BMPER: variants seen among roughly 807,000 people sequenced by gnomAD.
BMPER encodes BMP binding endothelial regulator.
Under a neutral mutation model 87.3 loss-of-function variants are expected in BMPER, and 45 were observed. That is an observed-to-expected ratio of 0.52 (90% CI 0.41 to 0.66). The LOEUF (loss-of-function observed/expected upper bound fraction) is 0.66, where lower values mean the gene tolerates loss of function less well. Among genes scored for constraint, BMPER ranks in the 30% least tolerant of loss-of-function variants. The pLI is 0.00. For synonymous variants in BMPER, 326 were observed against 316.2 expected (o/e 1.03, Z -0.33); for missense variants, 784 against 867.5 (o/e 0.90, Z 1.21).
At chr7:33,976,727 G>A (rs886272977) in intron 6 of BMPER, among the ~76,000 whole-genome samples, 66 of 152,280 alleles carry the variant, frequency 4.3e-4, no homozygotes, top group African/African-American at 1.5e-3. Flanking sequence ...TTAGAAGGTG[G>A]TAAAGAGAAT....
At position 33,905,562 on chromosome 7, in the gene BMPER, C is replaced by G; in HGVS notation, c.-52C>G. ...TCGACTGTGAGCTGCGGCAGCTGAG[C>G]AGAGGCGGCGGCGCGGGACCTGCAG... On this transcript the variant is annotated 5_prime_UTR_variant, in exon 1 of 15. Transcript: ENST00000649409. 6.2e-7 allele frequency: 1 copy of G among 1,602,500 alleles called. No homozygotes were observed. The highest frequency in any genetic ancestry group is 2.2e-5 in the East Asian group (1 of 44,714).
At chr7:34,008,817 C>G (rs1465429170) in intron 6 of BMPER, among the ~76,000 whole-genome samples, 1 of 151,566 alleles carries the variant, frequency 6.6e-6, no homozygotes, top group African/African-American at 2.4e-5. Flanking sequence ...GCCCTACTTT[C>G]TTTTTTTTGT....
chr7:33,927,199 C>T (rs1784380096), intron 2 of BMPER, among the ~76,000 whole-genome samples: 2 of 152,238 alleles, frequency 1.3e-5, no homozygotes, highest in Non-Finnish European at 1.5e-5. Context: ...ATTTTTGTAA[C>T]TCCCAACAGC....
intron 6 of BMPER, among the ~76,000 whole-genome samples, chr7:34,023,383 A>C (rs1337389106): frequency 6.6e-6 from 1 of 152,000 alleles, no homozygotes; most frequent in Non-Finnish European, 1.5e-5. Flanking sequence ...CTAGTCTCAT[A>C]AGGTTGTGTG....
At chr7:34,146,389 C>T (rs1004352634) in intron 14 of BMPER, among the ~76,000 whole-genome samples, 6 of 152,106 alleles carry the variant, frequency 3.9e-5, no homozygotes, top group Admixed American at 6.5e-5. Context: ...TGACTATAGA[C>T]ACAATATGTG....
At chr7:33,925,946 T>G (rs1354332172) in intron 2 of BMPER, among the ~76,000 whole-genome samples, 2 of 152,128 alleles carry the variant, frequency 1.3e-5, no homozygotes, top group African/African-American at 4.8e-5. Flanking sequence ...TTTCAAGGAG[T>G]TTGTGGCAGT....
At chr7:33,983,226 C>G (rs1230409608) in intron 6 of BMPER, among the ~76,000 whole-genome samples, 1 of 152,022 alleles carries the variant, frequency 6.6e-6, no homozygotes, top group Non-Finnish European at 1.5e-5. Flanking sequence ...AATTTTAACC[C>G]TCATGTATGT....
chr7:34,118,630 A>G (rs1409185597), intron 13 of BMPER, among the ~76,000 whole-genome samples: 3 of 152,206 alleles, frequency 2.0e-5, no homozygotes, highest in East Asian at 3.9e-4. Flanking sequence ...CATGATGAGT[A>G]TGATATTTAG....
At chr7:34,100,049 C>G (rs1407483758) in intron 13 of BMPER, among the ~76,000 whole-genome samples, 2 of 152,014 alleles carry the variant, frequency 1.3e-5, no homozygotes, top group Admixed American at 6.5e-5. Flanking sequence ...TTCCTTCCTC[C>G]CTCCCTCCCT....
chr7:34,044,193 T>C (rs1050448871), intron 6 of BMPER, among the ~76,000 whole-genome samples: 1 of 152,232 alleles, frequency 6.6e-6, no homozygotes. Flanking sequence ...GTATTATGTA[T>C]GCAAAATTTG....
rs1791013560 is a variant in BMPER at position 34,146,151 on chromosome 7, T to C, written c.1876+2791T>C. Among the ~76,000 whole-genome samples, 6 of 152,272 alleles carry C rather than the reference T, an allele frequency of 3.9e-5. No homozygotes were observed. The South Asian group carries it at 1.0e-3, about 26-fold the overall frequency. Reference sequence around the variant, plus strand: ...CAGATCTGTAGCATCTCTCAGTAGATTCAGTTCAGATTCATGTAGAATACT... The same window carrying C: ...CAGATCTGTAGCATCTCTCAGTAGACTCAGTTCAGATTCATGTAGAATACT... On this transcript the variant is annotated intron_variant, in intron 14 of 14. Transcript: ENST00000649409.
intron 2 of BMPER, among the ~76,000 whole-genome samples, chr7:33,916,636 C>G (rs1269378272): frequency 6.6e-6 from 1 of 152,248 alleles, no homozygotes; most frequent in Non-Finnish European, 1.5e-5. Flanking sequence ...GCCAACTCCT[C>G]TAAGAGCCTG....
intron 2 of BMPER, among the ~76,000 whole-genome samples, chr7:33,911,351 A>G (rs1410859426): frequency 2.0e-5 from 3 of 152,224 alleles, no homozygotes; most frequent in Non-Finnish European, 2.9e-5. Context: ...TTACTAAGAG[A>G]CAGAACTGGG....
Position 34,143,522 on chromosome 7 carries a change from G to A in BMPER, c.1876+162G>A, listed in dbSNP as rs73690172. ...TGGATTGCTACTTGATAAAACACAG[G>A]GACTTCCCACTGGGCAAGGTAGACA... On this transcript the variant is annotated intron_variant, in intron 14 of 14. Coordinates refer to ENST00000649409, the MANE Select transcript of BMPER (RefSeq NM_001365308.1). 0.022 allele frequency among the ~76,000 whole-genome samples: 3,341 copies of A among 152,260 alleles called. 118 individuals carry two copies. Among genetic ancestry groups the A allele is most frequent in the African/African-American group, 0.076 (3,161 of 41,550 alleles).
At chr7:34,056,946 C>T (rs369864639) in intron 9 of BMPER, among the ~76,000 whole-genome samples, 6 of 152,272 alleles carry the variant, frequency 3.9e-5, no homozygotes, top group East Asian at 1.9e-4. Flanking sequence ...CTTGTAAAAA[C>T]GGTTCCTTTA....
chr7:34,123,263 G>A (rs143146077), intron 13 of BMPER, among the ~76,000 whole-genome samples: 265 of 152,256 alleles, frequency 1.7e-3, no homozygotes, highest in Non-Finnish European at 3.0e-3. Flanking sequence ...GGAGTTTACT[G>A]GCTATAATAT....
At chr7:34,081,235 G>A (rs2127975079) in intron 12 of BMPER, among the ~76,000 whole-genome samples, 1 of 152,206 alleles carries the variant, frequency 6.6e-6, no homozygotes, top group Non-Finnish European at 1.5e-5. Context: ...ACCCTTTAGG[G>A]ATATTATCTT....
chr7:33,978,100 G>A (rs1020955221), intron 6 of BMPER, among the ~76,000 whole-genome samples: 3 of 152,184 alleles, frequency 2.0e-5, no homozygotes, highest in African/African-American at 7.2e-5. Flanking sequence ...AGGTGATTAA[G>A]CCACGAAGTC....
Position 33,966,668 on chromosome 7 carries a change from T to A in BMPER, c.402+107T>A. On this transcript the variant is annotated intron_variant, in intron 4 of 14. Transcript: ENST00000649409. ...AAACCCTAAAAAGGCCAAACAGAAA[T>A]GAAAAAAACAATGAAAAAGCAACTG... 4 of 1,095,938 alleles carry A rather than the reference T, an allele frequency of 3.6e-6. No homozygotes were observed. The Admixed American group carries it at 6.0e-5, about 16-fold the overall frequency. The allele number at this position is 1,095,938 out of a possible 1,614,324, so 67.9% of individuals were successfully genotyped here.
Sources: allele counts gnomAD v4.1 joint callset (sites outside exome capture counted in the v4.1 genomes callset), GRCh38; gene constraint gnomAD v4.1.1; transcripts MANE v1.5; gene names NCBI Gene and HGNC (gene_info 2026-07-23, HGNC 2026-07-21).